The following THSD4 variants were observed in gnomAD, a reference collection of about 807,000 sequenced individuals.
THSD4 encodes the protein thrombospondin type-1 domain-containing protein 4.
A neutral mutation model predicts 119.0 loss-of-function variants in THSD4; 69 were observed. The ratio of observed to expected loss-of-function variants is 0.58; its 90% confidence interval spans 0.48 to 0.71. THSD4 has a LOEUF of 0.71. Ranked by LOEUF, THSD4 falls within the 30% of genes least tolerant of loss-of-function variation. The probability of loss-of-function intolerance (pLI) is 0.00; values close to 1 mark genes in which losing one functional copy is unlikely to be tolerated. For synonymous variants in THSD4, 524 were observed against 540.4 expected, an observed-to-expected ratio of 0.97 and a Z score of 0.42; for missense variants, 1,393 against 1,391.1, an observed-to-expected ratio of 1.00 and a Z score of -0.02.
chr15:71,572,982 C>T (rs924306408), intron 7 of THSD4, among the ~76,000 whole-genome samples: 10 of 152,132 alleles, frequency 6.6e-5, no homozygotes, highest in African/African-American at 2.4e-4. Flanking sequence ...AGGGCATACC[C>T]TGAGAGGCCT....
rs975081831 is a variant in THSD4, at chr15:71,439,371, T to C, written c.1152+27548T>C. On this transcript the variant is annotated intron_variant, in intron 7 of 17. Transcript: ENST00000261862. ...CTAGTAATTATAGTGCTTAAGAATA[T>C]GCTGGAGAGGATGTGGAGAAATAGG... Among the ~76,000 whole-genome samples the C allele has an allele frequency of 3.3e-5, 5 of 152,350 alleles. No individual in the cohort carries two copies. In the East Asian group the frequency reaches 7.7e-4, roughly 23 times the overall value.
intron 7 of THSD4, chr15:71,547,188 A>C: frequency 7.6e-7 from 1 of 1,316,732 alleles, no homozygotes; most frequent in Non-Finnish European, 9.6e-7. Flanking sequence ...CCCCTCCCCC[A>C]GCCGGGAGAA....
At chr15:71,200,284 G>C in intron 3 of THSD4, among the ~76,000 whole-genome samples, 1 of 152,240 alleles carries the variant, frequency 6.6e-6, no homozygotes, top group East Asian at 1.9e-4. Flanking sequence ...TGTTGACTAG[G>C]GGGAGGGTGG....
chr15:71,630,700 C>T lies in THSD4; in HGVS notation c.1153-29830C>T, dbSNP rs185107554. ...AGCTTCACAAAGACTAAGGCCCTTCCAGGAGGGTCTCTCCCAGCTCTGGGG... is the reference window on the plus strand; with the variant it reads ...AGCTTCACAAAGACTAAGGCCCTTCTAGGAGGGTCTCTCCCAGCTCTGGGG... On this transcript the variant is annotated intron_variant, in intron 7 of 17. Transcript: ENST00000261862. Among the ~76,000 whole-genome samples the T allele has an allele frequency of 3.9e-5, 6 of 152,322 alleles. 1 individual carries two copies. Among genetic ancestry groups the T allele is most frequent in the Admixed American group, 3.3e-4 (5 of 15,308 alleles).
At chr15:71,342,779 C>T (rs1200212291) in intron 6 of THSD4, 2 of 152,288 alleles carry the variant, frequency 1.3e-5, no homozygotes, top group African/African-American at 2.4e-5. Flanking sequence ...TGGATACCAA[C>T]TAGATGTCTT....
At chr15:71,728,476 A>G (rs2052907047) in intron 8 of THSD4, 73 bp from the exon 9 acceptor site, 1 of 1,553,540 alleles carries the variant, frequency 6.4e-7, no homozygotes, top group East Asian at 2.3e-5. Flanking sequence ...GAAGCCAGAA[A>G]CTGGGGGAGT....
intron 7 of THSD4, among the ~76,000 whole-genome samples, chr15:71,607,561 T>A (rs2050132278): frequency 6.6e-6 from 1 of 152,130 alleles, no homozygotes; most frequent in Non-Finnish European, 1.5e-5. Context: ...TGATAAGGAT[T>A]ATAATTGGGG....
chr15:71,150,756 AT>A (rs910449493), intron 2 of THSD4, among the ~76,000 whole-genome samples: 1 of 152,214 alleles, frequency 6.6e-6, no homozygotes, highest in African/African-American at 2.4e-5. Flanking sequence ...AGCAGAACTG[AT>A]TTTTATAAAT....
At chr15:71,180,329 G>T (rs755155665) in intron 3 of THSD4, among the ~76,000 whole-genome samples, 5 of 152,118 alleles carry the variant, frequency 3.3e-5, no homozygotes, top group Admixed American at 2.0e-4. Flanking sequence ...TCATAAATGG[G>T]CAAAGGACTT....
chr15:71,705,831 G>A (rs1171269507), intron 8 of THSD4, among the ~76,000 whole-genome samples: 1 of 152,168 alleles, frequency 6.6e-6, no homozygotes, highest in Admixed American at 6.5e-5. Context: ...CATATAATGA[G>A]GGAGATAAGT....
At chr15:71,160,614 A>T (rs1272291236) in intron 3 of THSD4, among the ~76,000 whole-genome samples, 1 of 151,930 alleles carries the variant, frequency 6.6e-6, no homozygotes, top group Non-Finnish European at 1.5e-5. Context: ...ATAGTTGTTC[A>T]TAATAGTGTC....
At chr15:71,288,663 A>AT (rs2044750925) in intron 6 of THSD4, among the ~76,000 whole-genome samples, 1 of 152,238 alleles carries the variant, frequency 6.6e-6, no homozygotes, top group Admixed American at 6.5e-5. Flanking sequence ...CAACACAGTG[A>AT]TTACAGAATA....
At chr15:71,211,168 A>G (rs1334741518) in intron 3 of THSD4, among the ~76,000 whole-genome samples, 1 of 152,186 alleles carries the variant, frequency 6.6e-6, no homozygotes, top group Non-Finnish European at 1.5e-5. Context: ...TGGGTTTTAA[A>G]TAGAATTTTG....
intron 7 of THSD4, among the ~76,000 whole-genome samples, chr15:71,438,345 G>A (rs1349091454): frequency 1.3e-5 from 2 of 151,590 alleles, no homozygotes; most frequent in African/African-American, 4.8e-5. Flanking sequence ...TTTTTGCCAT[G>A]CAGAAGTTTC....
intron 7 of THSD4, among the ~76,000 whole-genome samples, chr15:71,658,977 C>T (rs2051244207): frequency 6.6e-6 from 1 of 152,200 alleles, no homozygotes; most frequent in Non-Finnish European, 1.5e-5. Context: ...TTTGATTTGA[C>T]TCTGCCCACA....
chr15:71,424,406 A>C (rs1178521278), intron 7 of THSD4, among the ~76,000 whole-genome samples: 1 of 152,080 alleles, frequency 6.6e-6, no homozygotes, highest in Non-Finnish European at 1.5e-5. Context: ...ATTTTTTGAC[A>C]GGGACTGGAA....
At position 71,215,416 on chromosome 15, in the gene THSD4, G is replaced by C. The variant is rs1252836101; in HGVS notation, c.464+17G>C. 1 of 1,508,250 alleles carries C rather than the reference G, an allele frequency of 6.6e-7. No individual in the cohort carries two copies. Among genetic ancestry groups the C allele is most frequent in the Non-Finnish European group, 8.8e-7 (1 of 1,132,692 alleles). The allele number at this position is 1,508,250 out of a possible 1,614,324, so 93.4% of individuals were successfully genotyped here. On this transcript the variant is annotated intron_variant, in intron 4 of 17. Transcript: ENST00000261862. Reference sequence around the variant, plus strand: ...GGACAGAAGGTACACGCCCGCCCTTGTCTGTGCCGCTCCCCGTCCCTGTCC... The same window carrying C: ...GGACAGAAGGTACACGCCCGCCCTTCTCTGTGCCGCTCCCCGTCCCTGTCC...
chr15:71,489,288 T>G (rs2047873774), intron 7 of THSD4, among the ~76,000 whole-genome samples: 1 of 152,236 alleles, frequency 6.6e-6, no homozygotes, highest in Non-Finnish European at 1.5e-5. Flanking sequence ...GTGGTGGGTG[T>G]AAAATATATC....
Position 71,459,420 on chromosome 15 carries a change from C to CTCTG in THSD4, c.1152+47600_1152+47601insGTCT, listed in dbSNP as rs2047395983. Among the ~76,000 whole-genome samples, 14 of 150,832 alleles carry CTCTG rather than the reference C, an allele frequency of 9.3e-5. No individual in the cohort carries two copies. In the South Asian group the frequency reaches 2.1e-3, roughly 23 times the overall value. On this transcript the variant is annotated intron_variant, in intron 7 of 17. Transcript: ENST00000261862. ...TCTCTCTCTCTGTCTCTCTCTCTCT[C>CTCTG]TCTCGTCAACATGCTCCTGAGCTGG...
Sources: gnomAD v4.1 joint callset for allele counts (sites outside exome capture counted in the v4.1 genomes callset) on GRCh38, gnomAD v4.1.1 for gene constraint, MANE v1.5 for transcripts, NCBI Gene and HGNC (gene_info 2026-07-23, HGNC 2026-07-21) for gene names.